ONECUT3: variants seen among roughly 807,000 people sequenced by gnomAD.
ONECUT3 encodes the protein one cut domain family member 3.
In ONECUT3, 11 loss-of-function variants were observed where a neutral mutation model predicts 16.8. That is an observed-to-expected ratio of 0.66 (90% CI 0.41 to 1.09). ONECUT3 has a LOEUF of 1.09. Ranked by LOEUF, ONECUT3 falls within the 50% of genes least tolerant of loss-of-function variation. The pLI is 0.00. For synonymous variants in ONECUT3, 344 were observed against 310.7 expected (o/e 1.11, Z -1.13); for missense variants, 637 against 629.9 (o/e 1.01, Z -0.12).
rs1032489237 is a variant in ONECUT3, at chr19:1,754,077, G to A, written c.415G>A (p.Gly139Ser). The change falls in exon 1 of 2, where the codon GGC (glycine) becomes AGC (serine). Residue 139 changes from glycine (G) to serine (S), a missense_variant. Gly to Ser is a moderately conservative substitution (Grantham distance 56). Around this residue, in one of 3 missense-constraint regions of ONECUT3, gnomAD observed 419 missense variants for 377.9 expected, o/e 1.11. Transcript: ENST00000382349. The surrounding 1 kb of genome is among the most constrained non-coding windows in gnomAD (Gnocchi z 7.4). ...AAAAVAGAHG[G>S]HPHAHPHPAA... The stretch of plus-strand genomic sequence containing the variant: ...CGCGGCCGTGGCCGGGGCGCACGGC[G>A]GCCATCCCCACGCGCACCCGCACCC... The A allele has an allele frequency of 1.0e-6, 1 of 1,000,592 alleles. No homozygotes were observed. Among genetic ancestry groups the A allele is most frequent in the Non-Finnish European group, 1.2e-6 (1 of 841,936 alleles). The allele number at this position is 1,000,592 out of a possible 1,614,324, so 62.0% of individuals were successfully genotyped here.
chr19:1,760,662 G>A (rs907092457), intron 1 of ONECUT3, among the ~76,000 whole-genome samples: 2 of 151,888 alleles, frequency 1.3e-5, no homozygotes, highest in Non-Finnish European at 2.9e-5. Context: ...GGGCGGTGGG[G>A]GGGGGCCAGG....
chr19:1,754,076 C>T lies in ONECUT3; in HGVS notation c.414C>T (p.Gly138=). The T allele has an allele frequency of 2.0e-6, 2 of 999,648 alleles. No homozygotes were observed. The highest frequency in any genetic ancestry group is 1.2e-6 in the Non-Finnish European group (1 of 841,282). The allele number at this position is 999,648 out of a possible 1,614,324, so 61.9% of individuals were successfully genotyped here. A position where few individuals can be genotyped will look rare whatever the true frequency, so the allele number is the denominator to read the frequency against. Residue 138 remains glycine, a synonymous_variant, in exon 1 of 2, where the codon GGC becomes GGT. Transcript: ENST00000382349. This position sits in a 1 kb window ranked among gnomAD's most constrained non-coding sequence, Gnocchi z 7.4. The stretch of plus-strand genomic sequence containing the variant: ...CCGCGGCCGTGGCCGGGGCGCACGG[C>T]GGCCATCCCCACGCGCACCCGCACC... ...AAAAAVAGAH[G]GHPHAHPHPA... is the part of the protein sequence containing the mutation.
chr19:1,768,730 G>T (rs1478310844), intron 1 of ONECUT3, among the ~76,000 whole-genome samples: 1 of 152,142 alleles, frequency 6.6e-6, no homozygotes, highest in Non-Finnish European at 1.5e-5. Flanking sequence ...TGAGGATAAT[G>T]AAGGAAATCA....
Position 1,775,462 on chromosome 19 carries a change from G to C in ONECUT3, c.*17G>C. 1 of 1,441,602 alleles carries C rather than the reference G, an allele frequency of 6.9e-7. No individual in the cohort carries two copies. 89.3% of individuals were successfully genotyped at this position (1,441,602 alleles called of 1,614,324 possible). A position where few individuals can be genotyped will look rare whatever the true frequency, so the allele number is the denominator to read the frequency against. ...AAGGCCTGAGGCGCCCCGGCCCCGC[G>C]CCCTCCCTGCCTCCACGGCCTGGGC... On this transcript the variant is annotated 3_prime_UTR_variant, in exon 2 of 2. Transcript: ENST00000382349.
rs2067951554 is a variant in ONECUT3 at position 1,762,511 on chromosome 19, G to A, written c.1192+7657G>A. Among the ~76,000 whole-genome samples, 1 of 152,262 alleles carries A rather than the reference G, an allele frequency of 6.6e-6. No individual in the cohort carries two copies. Among genetic ancestry groups the A allele is most frequent in the Non-Finnish European group, 1.5e-5 (1 of 68,040 alleles). ...GCAAACGCCGTCCCGCAGCACCCGGGAAGCTGCGGAGTCGGGCTGGGGCCG... is the reference window on the plus strand; with the variant it reads ...GCAAACGCCGTCCCGCAGCACCCGGAAAGCTGCGGAGTCGGGCTGGGGCCG... On this transcript the variant is annotated intron_variant, in intron 1 of 1. Coordinates refer to ENST00000382349, the MANE Select transcript of ONECUT3 (RefSeq NM_001080488.2). This position sits in a 1 kb window ranked among gnomAD's most constrained non-coding sequence, Gnocchi z 4.4.
chr19:1,757,171 C>A (rs1442402196), intron 1 of ONECUT3, among the ~76,000 whole-genome samples: 1 of 152,138 alleles, frequency 6.6e-6, no homozygotes, highest in Non-Finnish European at 1.5e-5. Flanking sequence ...GTCAGCAGCA[C>A]CCAGCACCCG....
In ONECUT3 at chr19:1,754,061, G is replaced by C. The variant is rs1485944299; in HGVS notation, c.399G>C (p.Val133=). The change falls in exon 1 of 2, where the codon GTG becomes GTC. Residue 133 remains valine (V), a synonymous_variant. Transcript: ENST00000382349. The surrounding 1 kb of genome is among the most constrained non-coding windows in gnomAD (Gnocchi z 7.4). ...KFHQHAAAAA[V]AGAHGGHPHA... ...ACCAGCACGCGGCGGCCGCGGCCGT[G>C]GCCGGGGCGCACGGCGGCCATCCCC... 1.0e-6 allele frequency: 1 copy of C among 995,032 alleles called. No homozygotes were observed. Among genetic ancestry groups the C allele is most frequent in the Non-Finnish European group, 1.2e-6 (1 of 838,092 alleles). The allele number at this position is 995,032 out of a possible 1,614,324, so 61.6% of individuals were successfully genotyped here. A position where few individuals can be genotyped will look rare whatever the true frequency, so the allele number is the denominator to read the frequency against.
At chr19:1,772,954 C>T (rs1318579323) in intron 1 of ONECUT3, among the ~76,000 whole-genome samples, 4 of 150,686 alleles carry the variant, frequency 2.7e-5, no homozygotes, top group Admixed American at 6.6e-5. Flanking sequence ...CCGCCCGCCT[C>T]GGCCTCCCAA....
chr19:1,755,072 C>T lies in ONECUT3; in HGVS notation c.1192+218C>T, dbSNP rs184433353. Reference sequence around the variant, plus strand: ...AGAAAGGGATTGTGCCGCCTCCCCGCCCCCCGGTCGCCGCTTCTGCCCCTT... The same window carrying T: ...AGAAAGGGATTGTGCCGCCTCCCCGTCCCCCGGTCGCCGCTTCTGCCCCTT... On this transcript the variant is annotated intron_variant, in intron 1 of 1. Coordinates refer to ENST00000382349, the MANE Select transcript of ONECUT3 (RefSeq NM_001080488.2). This position sits in a 1 kb window ranked among gnomAD's most constrained non-coding sequence, Gnocchi z 7.5. 7.5e-3 allele frequency among the ~76,000 whole-genome samples: 1,135 copies of T among 152,262 alleles called. 15 individuals are homozygous for T. Among genetic ancestry groups the T allele is most frequent in the African/African-American group, 0.025 (1,054 of 41,558 alleles).
In ONECUT3 at chr19:1,754,968, C is replaced by T; in HGVS notation, c.1192+114C>T. 1 of 1,237,868 alleles carries T rather than the reference C, an allele frequency of 8.1e-7. No homozygotes were observed. Among genetic ancestry groups the T allele is most frequent in the Non-Finnish European group, 1.0e-6 (1 of 981,164 alleles). The allele number at this position is 1,237,868 out of a possible 1,614,324, so 76.7% of individuals were successfully genotyped here. A position where few individuals can be genotyped will look rare whatever the true frequency, so the allele number is the denominator to read the frequency against. On this transcript the variant is annotated intron_variant, in intron 1 of 1. Transcript: ENST00000382349. The surrounding 1 kb of genome is among the most constrained non-coding windows in gnomAD (Gnocchi z 7.4). ...CAGCGCCCCAAGCCCCGCCCGTGCG[C>T]CCCGGCAGCCCGGGACCCCCTATCA...
In ONECUT3 at chr19:1,754,601, C is replaced by T. The variant is rs1241903099; in HGVS notation, c.939C>T (p.Ser313=). 5.4e-5 allele frequency: 73 copies of T among 1,353,612 alleles called. No individual in the cohort carries two copies. Among genetic ancestry groups the T allele is most frequent in the Non-Finnish European group, 6.9e-5 (72 of 1,042,240 alleles). The allele number at this position is 1,353,612 out of a possible 1,614,324, so 83.9% of individuals were successfully genotyped here. A position where few individuals can be genotyped will look rare whatever the true frequency, so the allele number is the denominator to read the frequency against. ...GGPGGSGGGP[S]AGAAAEEINT... ...CCGGCGGGAGCGGCGGCGGCCCCAG[C>T]GCGGGCGCAGCGGCCGAGGAGATCA... Residue 313 remains serine (S), a synonymous_variant, in exon 1 of 2, where the codon AGC becomes AGT. Transcript: ENST00000382349. The surrounding 1 kb of genome is among the most constrained non-coding windows in gnomAD (Gnocchi z 7.4).
At chr19:1,767,973 C>A (rs1232049699) in intron 1 of ONECUT3, among the ~76,000 whole-genome samples, 1 of 152,050 alleles carries the variant, frequency 6.6e-6, no homozygotes, top group Non-Finnish European at 1.5e-5. Flanking sequence ...AGACTGATAA[C>A]CGTTGGGGAG....
Position 1,766,150 on chromosome 19 carries a change from C to T in ONECUT3, c.1193-9003C>T, listed in dbSNP as rs552688522. On this transcript the variant is annotated intron_variant, in intron 1 of 1. Transcript: ENST00000382349. This position sits in a 1 kb window ranked among gnomAD's most constrained non-coding sequence, Gnocchi z 4.0. ...GGTTTGGATGTGCAAGGCTGCCGAC[C>T]CCCATCGTGGTTGAGCGCCCGTGCA... is the stretch of plus-strand genomic sequence containing the variant. Among the ~76,000 whole-genome samples the T allele has an allele frequency of 1.3e-5, 2 of 152,252 alleles. No individual in the cohort carries two copies. The highest frequency in any genetic ancestry group is 2.9e-5 in the Non-Finnish European group (2 of 68,048).
Position 1,758,315 on chromosome 19 carries a change from A to AGGAGAGAG in ONECUT3, c.1192+3461_1192+3462insGGAGAGAG, listed in dbSNP as rs1408374614. On this transcript the variant is annotated intron_variant, in intron 1 of 1. Transcript: ENST00000382349. The surrounding 1 kb of genome is among the most constrained non-coding windows in gnomAD (Gnocchi z 5.9). ...GCAGAGAGACCAAAAAAAAAAAAAA[A>AGGAGAGAG]AGAGAGAGAGAGAGAGAGAGACAGA... Among the ~76,000 whole-genome samples the AGGAGAGAG allele has an allele frequency of 1.3e-5, 1 of 77,022 alleles. No individual in the cohort carries two copies. The highest frequency in any genetic ancestry group is 4.0e-5 in the African/African-American group (1 of 24,788). 50.5% of individuals were successfully genotyped at this position (77,022 alleles called of 152,430 possible).
chr19:1,778,866 T>TCTCACA lies in ONECUT3; in HGVS notation c.*3422_*3423insTCACAC, dbSNP rs1286026306. On this transcript the variant is annotated 3_prime_UTR_variant, in exon 2 of 2. Transcript: ENST00000382349. ...TGGATCCTTTTCAGATATCTTCGTATCACACACACACACACACACACACAC... is the reference window on the plus strand; with the variant it reads ...TGGATCCTTTTCAGATATCTTCGTATCTCACACACACACACACACACACACACACAC... 2.3e-5 allele frequency: 3 copies of TCTCACA among 132,458 alleles called. No individual in the cohort carries two copies. The highest frequency in any genetic ancestry group is 2.6e-4 in the South Asian group (1 of 3,824). The allele number at this position is 132,458 out of a possible 1,614,324, so 8.2% of individuals were successfully genotyped here.
rs2068106407 is a variant in ONECUT3 at position 1,776,150 on chromosome 19, C to G, written c.*705C>G. On this transcript the variant is annotated 3_prime_UTR_variant, in exon 2 of 2. Transcript: ENST00000382349. This position sits in a 1 kb window ranked among gnomAD's most constrained non-coding sequence, Gnocchi z 4.9. ...GGGGCCTGCGGCGGGCGCCCAGCAC[C>G]TACGGGCGAGCACCCTTCCCACCCC... 6.6e-6 allele frequency: 1 copy of G among 152,172 alleles called. No homozygotes were observed. The highest frequency in any genetic ancestry group is 2.4e-5 in the African/African-American group (1 of 41,406). 9.4% of individuals were successfully genotyped at this position (152,172 alleles called of 1,614,324 possible).
chr19:1,767,589 G>C (rs2068004316), intron 1 of ONECUT3, among the ~76,000 whole-genome samples: 1 of 152,108 alleles, frequency 6.6e-6, no homozygotes, highest in Non-Finnish European at 1.5e-5. Flanking sequence ...TACAGCCCCC[G>C]CCCTTTCCTG....
intron 1 of ONECUT3, among the ~76,000 whole-genome samples, chr19:1,763,732 GTTTTTTT>G (rs35077722): frequency 7.4e-6 from 1 of 134,542 alleles, no homozygotes; most frequent in Non-Finnish European, 1.6e-5. Context: ...TCCCTTTTTT[GTTTTTTT>G]TTTTTTTTTA....
rs1055042779 is a variant in ONECUT3, at chr19:1,776,789, G to C, written c.*1344G>C. The C allele has an allele frequency of 6.6e-6, 1 of 151,538 alleles. No individual in the cohort carries two copies. Among genetic ancestry groups the C allele is most frequent in the East Asian group, 2.0e-4 (1 of 5,108 alleles). The allele number at this position is 151,538 out of a possible 1,614,324, so 9.4% of individuals were successfully genotyped here. A position where few individuals can be genotyped will look rare whatever the true frequency, so the allele number is the denominator to read the frequency against. On this transcript the variant is annotated 3_prime_UTR_variant, in exon 2 of 2. Transcript: ENST00000382349. The surrounding 1 kb of genome is among the most constrained non-coding windows in gnomAD (Gnocchi z 4.9). ...CCACTCATCGGCTGCCTCCCAGGGAGGAGGCGGCCCCCCTACCCCCCTTGA... is the reference window on the plus strand; with the variant it reads ...CCACTCATCGGCTGCCTCCCAGGGACGAGGCGGCCCCCCTACCCCCCTTGA...
Sources: allele counts gnomAD v4.1 joint callset (sites outside exome capture counted in the v4.1 genomes callset), GRCh38; gene constraint gnomAD v4.1.1; regional missense constraint gnomAD v4.1.1; non-coding constraint Gnocchi (gnomAD v3.1); transcripts MANE v1.5; gene names NCBI Gene and HGNC (gene_info 2026-07-23, HGNC 2026-07-21).